The following RGS6 variants were observed in gnomAD, a reference collection of about 807,000 sequenced individuals.
The protein encoded by RGS6 is regulator of G-protein signaling 6.
A neutral mutation model predicts 78.5 loss-of-function variants in RGS6; 30 were observed. The ratio of observed to expected loss-of-function variants is 0.38; its 90% CI spans 0.29 to 0.52. RGS6 has a LOEUF of 0.52. RGS6 is among the 20% of genes least tolerant of loss of function. RGS6 has a pLI of 0.85. For missense variants in RGS6, 495 were observed against 609.7 expected, an observed-to-expected ratio of 0.81 and a Z score of 1.98; for synonymous variants, 206 against 206.0, an observed-to-expected ratio of 1.00 and a Z score of 0.00.
rs1392956186 is a variant in RGS6, at chr14:72,415,920, C to T, written c.185-38608C>T. ...ATCCCAGCACTTCGGGAGGCCAAGG[C>T]GGGCAGATCATGAGGTCAGGAGTTC... On this transcript the variant is annotated intron_variant, in intron 3 of 17. Transcript: ENST00000553525. Among the ~76,000 whole-genome samples, 7 of 152,166 alleles carry T rather than the reference C, an allele frequency of 4.6e-5. No individual in the cohort carries two copies. In the South Asian group the frequency reaches 6.2e-4, roughly 14 times the overall value.
chr14:72,180,205 T>G (rs2097156669), intron 2 of RGS6, among the ~76,000 whole-genome samples: 1 of 152,242 alleles, frequency 6.6e-6, no homozygotes, highest in African/African-American at 2.4e-5. Flanking sequence ...GTATCACATC[T>G]CTTCTTACAT....
At chr14:72,453,715 G>T (rs998335900) in intron 3 of RGS6, among the ~76,000 whole-genome samples, 7 of 150,056 alleles carry the variant, frequency 4.7e-5, no homozygotes, top group African/African-American at 1.7e-4. Context: ...CCAAATTTCA[G>T]GGGCTTAACA....
intron 5 of RGS6, 119 bp downstream of exon 5, chr14:72,458,496 G>T: frequency 1.4e-6 from 1 of 732,708 alleles, no homozygotes. Flanking sequence ...CTCCTCATCA[G>T]CACTGGGAAA....
At chr14:72,163,074 A>G (rs747676557) in intron 2 of RGS6, among the ~76,000 whole-genome samples, 24 of 152,202 alleles carry the variant, frequency 1.6e-4, no homozygotes, top group Non-Finnish European at 2.6e-4. Flanking sequence ...GGTGAGGAAT[A>G]AAAGACTACA....
At chr14:72,602,942 A>G in the RGS6 span, among the ~76,000 whole-genome samples, 2 of 152,232 alleles carry the variant, frequency 1.3e-5, no homozygotes, top group African/African-American at 2.4e-5. Flanking sequence ...GAAGATAAAG[A>G]AAAAGAAAAA....
At chr14:72,223,266 A>C (rs1364132639) in intron 2 of RGS6, among the ~76,000 whole-genome samples, 2 of 152,340 alleles carry the variant, frequency 1.3e-5, no homozygotes, top group African/African-American at 4.8e-5. Context: ...ACCTGGCCTT[A>C]AGGTTATCTT....
At chr14:72,553,266 C>T (rs2097530491) in intron 17 of RGS6, 1 of 152,662 alleles carries the variant, frequency 6.6e-6, no homozygotes, top group South Asian at 2.1e-4. Context: ...CTTCACTTCC[C>T]TTCCTAAAAA....
chr14:72,600,574 C>T, the RGS6 span, among the ~76,000 whole-genome samples: 1 of 141,310 alleles, frequency 7.1e-6, no homozygotes, highest in Admixed American at 6.8e-5. Flanking sequence ...CAGGCAGACA[C>T]ACACACACAC....
intron 2 of RGS6, among the ~76,000 whole-genome samples, chr14:72,073,094 C>T (rs576595764): frequency 6.6e-6 from 1 of 152,338 alleles, no homozygotes; most frequent in Non-Finnish European, 1.5e-5. Flanking sequence ...TTCTGCCACT[C>T]ACTAGATGTG....
chr14:72,539,126 T>C (rs116617932), intron 16 of RGS6, among the ~76,000 whole-genome samples: 2 of 152,126 alleles, frequency 1.3e-5, no homozygotes, highest in Non-Finnish European at 2.9e-5. Flanking sequence ...CTAGGAAATG[T>C]GGGGTGAAAG....
At chr14:72,190,025 A>G (rs1306524771) in intron 2 of RGS6, among the ~76,000 whole-genome samples, 1 of 151,950 alleles carries the variant, frequency 6.6e-6, no homozygotes, top group African/African-American at 2.4e-5. Flanking sequence ...TCTTCACCAA[A>G]CTTTCCCAGA....
intron 7 of RGS6, among the ~76,000 whole-genome samples, chr14:72,467,622 G>A (rs1442625220): frequency 6.6e-6 from 1 of 152,206 alleles, no homozygotes; most frequent in African/African-American, 2.4e-5. Flanking sequence ...TTGTGGACCT[G>A]TGAATGGGGT....
At chr14:72,540,736 C>T (rs1156478434) in intron 17 of RGS6, 14 of 1,300,800 alleles carry the variant, frequency 1.1e-5, no homozygotes, top group South Asian at 2.5e-5. Context: ...TGAATCCCTG[C>T]GGTGTCCTGG....
chr14:72,507,660 T>G (rs76167948), intron 13 of RGS6, among the ~76,000 whole-genome samples: 11 of 152,212 alleles, frequency 7.2e-5, no homozygotes, highest in Non-Finnish European at 1.3e-4. Flanking sequence ...TCTGGTGGAA[T>G]GAATGTGGAC....
intron 3 of RGS6, among the ~76,000 whole-genome samples, chr14:72,445,874 C>G (rs545633781): frequency 1.3e-5 from 2 of 152,066 alleles, no homozygotes; most frequent in African/African-American, 4.8e-5. Flanking sequence ...AAAATGTGAC[C>G]TTATTTGGAA....
chr14:72,439,398 G>T (rs927554871), intron 3 of RGS6, among the ~76,000 whole-genome samples: 1 of 152,238 alleles, frequency 6.6e-6, no homozygotes, highest in Admixed American at 6.5e-5. Context: ...AAAGGCTCAG[G>T]TGTATTGTAA....
intron 17 of RGS6, among the ~76,000 whole-genome samples, chr14:72,546,804 G>A (rs750551064): frequency 1.3e-5 from 2 of 152,196 alleles, no homozygotes; most frequent in African/African-American, 2.4e-5. Flanking sequence ...TCCAAATCGC[G>A]TACCCTGCCA....
At chr14:72,481,228 C>A (rs1021411622) in intron 12 of RGS6, among the ~76,000 whole-genome samples, 1 of 152,100 alleles carries the variant, frequency 6.6e-6, no homozygotes, top group African/African-American at 2.4e-5. Context: ...ATGGTCCAGT[C>A]CTTGGGACTC....
intron 2 of RGS6, among the ~76,000 whole-genome samples, chr14:72,322,116 C>CA (rs1567750065): frequency 2.0e-5 from 3 of 151,480 alleles, no homozygotes; most frequent in Non-Finnish European, 4.4e-5. Flanking sequence ...AATTAATGAA[C>CA]AAAAAATAAA....
Sources: gnomAD v4.1 joint callset for allele counts (sites outside exome capture counted in the v4.1 genomes callset) on GRCh38, gnomAD v4.1.1 for gene constraint, MANE v1.5 for transcripts, NCBI Gene and HGNC (gene_info 2026-07-23, HGNC 2026-07-21) for gene names.